The following KIF13B variants were observed in gnomAD, a reference collection of about 807,000 sequenced individuals.
The protein encoded by KIF13B is kinesin-like protein KIF13B.
KIF13B carries 127 observed loss-of-function variants against 222.0 expected under a neutral mutation model. That is an observed-to-expected ratio of 0.57 (90% CI 0.50 to 0.66). The LOEUF is 0.66. Ranked by LOEUF, KIF13B falls within the 30% of genes least tolerant of loss-of-function variation. The pLI, the probability that KIF13B is intolerant of heterozygous loss-of-function variation, is 0.00. For missense variants in KIF13B, 2,173 were observed against 2,379.0 expected, an observed-to-expected ratio of 0.91 and a Z score of 1.80; for synonymous variants, 976 against 919.0, an observed-to-expected ratio of 1.06 and a Z score of -1.12.
At position 29,259,697 on chromosome 8, in the gene KIF13B, C is replaced by T. The variant is rs148888853; in HGVS notation, c.55+3283G>A. On this transcript the variant is annotated intron_variant, in intron 1 of 39. Coordinates refer to ENST00000524189, the MANE Select transcript of KIF13B (RefSeq NM_015254.4). The stretch of plus-strand genomic sequence containing the variant: ...AATTACGGCTACAGAACTTTCAGCT[C>T]CTGTAATGATTAGACGGGTTAATAA... 4.4e-3 allele frequency among the ~76,000 whole-genome samples: 674 copies of T among 152,288 alleles called. 4 individuals carry two copies. Among genetic ancestry groups the T allele is most frequent in the African/African-American group, 0.015 (626 of 41,554 alleles).
chr8:29,210,567 T>C (rs1235696452), intron 2 of KIF13B, among the ~76,000 whole-genome samples: 1 of 152,164 alleles, frequency 6.6e-6, no homozygotes, highest in African/African-American at 2.4e-5. Flanking sequence ...AAACAAAAAG[T>C]GTATGGCAGA....
chr8:29,251,641 G>C (rs909989864), intron 1 of KIF13B, among the ~76,000 whole-genome samples: 2 of 152,166 alleles, frequency 1.3e-5, no homozygotes, highest in Non-Finnish European at 2.9e-5. Flanking sequence ...TTATTTAATG[G>C]AGATGGAGTT....
chr8:29,138,808 G>T (rs924733040), intron 21 of KIF13B, among the ~76,000 whole-genome samples: 3 of 152,154 alleles, frequency 2.0e-5, no homozygotes, highest in African/African-American at 7.2e-5. Flanking sequence ...GAAAGCGAGC[G>T]AGTGAGAGAG....
intron 1 of KIF13B, among the ~76,000 whole-genome samples, chr8:29,247,833 C>CAAAAA (rs57720312): frequency 5.5e-5 from 3 of 54,406 alleles, no homozygotes; most frequent in Non-Finnish European, 3.9e-5. Flanking sequence ...GACCCTGTCT[C>CAAAAA]AAAAAAAAAA....
chr8:29,174,878 TGAGAG>T (rs1473285436), intron 10 of KIF13B, among the ~76,000 whole-genome samples: 1 of 152,144 alleles, frequency 6.6e-6, no homozygotes. Flanking sequence ...AGTTAACTCT[TGAGAG>T]GAGGAGGAAA....
chr8:29,111,201 C>A (rs1809338643), intron 32 of KIF13B, among the ~76,000 whole-genome samples: 1 of 152,212 alleles, frequency 6.6e-6, no homozygotes, highest in Non-Finnish European at 1.5e-5. Context: ...ACACAATTAG[C>A]AAGAGTCAAA....
intron 21 of KIF13B, among the ~76,000 whole-genome samples, chr8:29,136,758 CAATGA>C (rs201017417): frequency 2.0e-5 from 3 of 149,846 alleles, no homozygotes; most frequent in Non-Finnish European, 3.0e-5. Flanking sequence ...CTTACCACAC[CAATGA>C]AATGAAATGA....
intron 2 of KIF13B, among the ~76,000 whole-genome samples, chr8:29,214,161 T>G (rs1814369331): frequency 6.6e-6 from 1 of 152,234 alleles, no homozygotes; most frequent in African/African-American, 2.4e-5. Context: ...TCATTAACAC[T>G]GTGCACTTAG....
chr8:29,195,887 C>T (rs138185517), intron 3 of KIF13B, among the ~76,000 whole-genome samples: 3 of 152,206 alleles, frequency 2.0e-5, no homozygotes, highest in African/African-American at 2.4e-5. Flanking sequence ...GAGGATGAGT[C>T]GGCTTTGACC....
intron 2 of KIF13B, among the ~76,000 whole-genome samples, chr8:29,223,996 A>AT (rs199688774): frequency 2.9e-5 from 4 of 137,760 alleles, no homozygotes; most frequent in Non-Finnish European, 4.7e-5. Flanking sequence ...CAGCCTACCA[A>AT]TTTTTTTTTT....
chr8:29,108,476 C>T (rs1200476826), intron 34 of KIF13B, among the ~76,000 whole-genome samples: 1 of 152,184 alleles, frequency 6.6e-6, no homozygotes, highest in Non-Finnish European at 1.5e-5. Flanking sequence ...GTTGGGTGAG[C>T]CCTTCTGTGT....
chr8:29,118,126 C>T (rs1050144950), intron 30 of KIF13B, among the ~76,000 whole-genome samples: 1 of 151,794 alleles, frequency 6.6e-6, no homozygotes, highest in Non-Finnish European at 1.5e-5. Context: ...CCATTGCGCT[C>T]CAGCCTGGGC....
chr8:29,194,283 T>C (rs1813320973), intron 3 of KIF13B, among the ~76,000 whole-genome samples: 1 of 113,246 alleles, frequency 8.8e-6, no homozygotes, highest in Non-Finnish European at 2.0e-5. Flanking sequence ...CTCTCCATTA[T>C]TATTGGGTTT....
chr8:29,248,168 A>G lies in KIF13B; in HGVS notation c.56-2729T>C, dbSNP rs377275095. Among the ~76,000 whole-genome samples, 7 of 152,316 alleles carry G rather than the reference A, an allele frequency of 4.6e-5. 1 individual carries two copies. The East Asian group carries it at 1.2e-3, about 25-fold the overall frequency. ...CCTCAAAAAGTTAAACAGCGTTACC[A>G]TCTGACCCAGCAATTCCACTCCTAG... On this transcript the variant is annotated intron_variant, in intron 1 of 39. Coordinates refer to ENST00000524189, the MANE Select transcript of KIF13B (RefSeq NM_015254.4).
intron 5 of KIF13B, 52 bp from the exon 6 acceptor site, chr8:29,186,524 A>C: frequency 1.4e-6 from 2 of 1,452,010 alleles, no homozygotes; most frequent in Non-Finnish European, 1.9e-6. Flanking sequence ...CGTTAAATAC[A>C]TAACCCTCTT....
intron 31 of KIF13B, among the ~76,000 whole-genome samples, chr8:29,115,071 C>T (rs996412164): frequency 1.3e-5 from 2 of 152,156 alleles, no homozygotes; most frequent in South Asian, 2.1e-4. Flanking sequence ...ATTTTAATGG[C>T]ATTACCGCCA....
chr8:29,157,621 C>G (rs1811594348), intron 13 of KIF13B, among the ~76,000 whole-genome samples: 2 of 151,890 alleles, frequency 1.3e-5, no homozygotes. Context: ...AGGAGAGTGG[C>G]TTGAACCTGG....
intron 14 of KIF13B, among the ~76,000 whole-genome samples, chr8:29,154,563 T>C (rs749888058): frequency 3.3e-5 from 5 of 152,280 alleles, no homozygotes; most frequent in Middle Eastern, 3.4e-3. Flanking sequence ...CACAAAATCG[T>C]ATCCATGGGT....
chr8:29,225,858 T>A (rs1454746554), intron 2 of KIF13B, among the ~76,000 whole-genome samples: 1 of 152,212 alleles, frequency 6.6e-6, no homozygotes, highest in Non-Finnish European at 1.5e-5. Context: ...CTCACAGTTG[T>A]CAGATGCTTG....
Sources: gnomAD v4.1 joint callset for allele counts (sites outside exome capture counted in the v4.1 genomes callset) on GRCh38, gnomAD v4.1.1 for gene constraint, MANE v1.5 for transcripts, NCBI Gene and HGNC (gene_info 2026-07-23, HGNC 2026-07-21) for gene names.